Variants in SUGP1 observed in about 807,000 individuals in gnomAD.
The protein encoded by SUGP1 is SURP and G-patch domain-containing protein 1.
SUGP1 carries 34 observed loss-of-function variants against 76.5 expected under a neutral mutation model. That is an observed-to-expected ratio of 0.44 (90% CI 0.34 to 0.59). SUGP1 has a LOEUF of 0.59. SUGP1 is among the 20% of genes least tolerant of loss of function. The probability of loss-of-function intolerance (pLI) is 0.01; values close to 1 mark genes in which losing one functional copy is unlikely to be tolerated. For synonymous variants in SUGP1, 326 were observed against 326.2 expected (o/e 1.00, Z 0.01); for missense variants, 752 against 851.7 (o/e 0.88, Z 1.46).
At chr19:19,319,706 CAAAAAAAAAAA>C (rs570232030) in intron 1 of SUGP1, among the ~76,000 whole-genome samples, 6 of 69,310 alleles carry the variant, frequency 8.7e-5, no homozygotes, top group Non-Finnish European at 1.8e-4. Context: ...GACCCTGTCT[CAAAAAAAAAAA>C]AAAAAAAAAA....
At chr19:19,315,446 G>C (rs566838423) in intron 2 of SUGP1, among the ~76,000 whole-genome samples, 1 of 152,286 alleles carries the variant, frequency 6.6e-6, no homozygotes, top group Admixed American at 6.5e-5. Context: ...TCTCCAGCCT[G>C]AAAAGCTTGG....
At chr19:19,315,358 G>A (rs1265696321) in intron 2 of SUGP1, among the ~76,000 whole-genome samples, 1 of 151,794 alleles carries the variant, frequency 6.6e-6, no homozygotes, top group Non-Finnish European at 1.5e-5. Context: ...AGCTGGAGCT[G>A]GAACAAGGCC....
At chr19:19,315,829 GT>G (rs146674543) in intron 2 of SUGP1, among the ~76,000 whole-genome samples, 4 of 150,430 alleles carry the variant, frequency 2.7e-5, no homozygotes, top group East Asian at 2.0e-4. Flanking sequence ...AAGGGCAGAG[GT>G]TTTTTTTTGT....
At chr19:19,286,995 C>T (rs1188832275) in intron 8 of SUGP1, among the ~76,000 whole-genome samples, 1 of 151,910 alleles carries the variant, frequency 6.6e-6, no homozygotes, top group Non-Finnish European at 1.5e-5. Context: ...ACAAAATAGG[C>T]CGGGCAAAGT....
intron 1 of SUGP1, among the ~76,000 whole-genome samples, chr19:19,318,951 A>G (rs1369992226): frequency 6.6e-6 from 1 of 152,132 alleles, no homozygotes; most frequent in Non-Finnish European, 1.5e-5. Flanking sequence ...GGGCATGGTG[A>G]CTCACACCTG....
At chr19:19,309,911 C>CA (rs942765209) in intron 3 of SUGP1, among the ~76,000 whole-genome samples, 186 bp downstream of exon 3, 22 of 149,500 alleles carry the variant, frequency 1.5e-4, no homozygotes, top group Admixed American at 2.7e-4. Context: ...GACTCCGTCT[C>CA]AAAAAAAAAA....
chr19:19,289,575 T>C (rs2061166074), intron 8 of SUGP1, among the ~76,000 whole-genome samples: 2 of 151,978 alleles, frequency 1.3e-5, no homozygotes, highest in Admixed American at 6.6e-5. Flanking sequence ...TGGTGAAACC[T>C]CGTCTCTACT....
chr19:19,276,573 G>C lies in SUGP1; in HGVS notation c.*75C>G, dbSNP rs77883495. ...GGCACTCGTGACAACGGAAGGGGTG[G>C]GCAGAAATGCAGGCCGGAACATTCC... On this transcript the variant is annotated 3_prime_UTR_variant, in exon 14 of 14. Coordinates refer to ENST00000247001, the MANE Select transcript of SUGP1 (RefSeq NM_172231.4). The C allele has an allele frequency of 3.1e-4, 488 of 1,578,524 alleles. 1 individual carries two copies. In the African/African-American group the frequency reaches 5.8e-3, roughly 19 times the overall value.
At chr19:19,317,546 C>G (rs1265891486) in intron 1 of SUGP1, among the ~76,000 whole-genome samples, 1 of 152,122 alleles carries the variant, frequency 6.6e-6, no homozygotes, top group African/African-American at 2.4e-5. Flanking sequence ...GAGACAGGGT[C>G]TGGCTCTGTT....
intron 8 of SUGP1, among the ~76,000 whole-genome samples, chr19:19,294,876 T>G (rs1188682868): frequency 6.6e-6 from 1 of 151,902 alleles, no homozygotes; most frequent in African/African-American, 2.4e-5. Flanking sequence ...AAAGACGCTA[T>G]TACTAAAGTG....
chr19:19,285,012 C>T (rs1448626491), intron 8 of SUGP1, among the ~76,000 whole-genome samples: 1 of 149,544 alleles, frequency 6.7e-6, no homozygotes, highest in Non-Finnish European at 1.5e-5. Context: ...GGACTACAGG[C>T]GCCCGCCACC....
chr19:19,304,087 T>C lies in SUGP1; in HGVS notation c.539-240A>G, dbSNP rs563430339. The C allele has an allele frequency of 3.9e-5, 57 of 1,454,774 alleles. No homozygotes were observed. In the Admixed American group the frequency reaches 7.2e-4, roughly 18 times the overall value. 90.1% of individuals were successfully genotyped at this position (1,454,774 alleles called of 1,614,324 possible). A position where few individuals can be genotyped will look rare whatever the true frequency, so the allele number is the denominator to read the frequency against. On this transcript the variant is annotated intron_variant, in intron 4 of 13. Coordinates refer to ENST00000247001, the MANE Select transcript of SUGP1 (RefSeq NM_172231.4). ...TGTGAGGCTGTGGTGAGCTCCAGGCTGGAAGCTAGCAGAAAATATATCCAG... is the reference window on the plus strand; with the variant it reads ...TGTGAGGCTGTGGTGAGCTCCAGGCCGGAAGCTAGCAGAAAATATATCCAG...
intron 6 of SUGP1, 26 bp from the exon 7 acceptor site, chr19:19,302,414 C>A: frequency 6.2e-7 from 1 of 1,609,534 alleles, no homozygotes; most frequent in East Asian, 2.2e-5. Context: ...CAGTACTGGG[C>A]TCAACTCACC....
intron 3 of SUGP1, 52 bp downstream of exon 3, chr19:19,310,045 C>T: frequency 1.4e-6 from 2 of 1,475,250 alleles, no homozygotes; most frequent in Non-Finnish European, 1.9e-6. Flanking sequence ...TGCCCAGCAA[C>T]CCCAGGGGGA....
At chr19:19,277,105 A>G (rs1479775525) in intron 12 of SUGP1, 29 bp from the exon 13 acceptor site, 10 of 1,594,618 alleles carry the variant, frequency 6.3e-6, no homozygotes, top group Middle Eastern at 3.3e-4. Context: ...GTGAGCAGGG[A>G]CCTGGGGCCA....
chr19:19,308,187 T>G (rs1372261996), intron 3 of SUGP1, among the ~76,000 whole-genome samples: 1 of 152,052 alleles, frequency 6.6e-6, no homozygotes, highest in African/African-American at 2.4e-5. Flanking sequence ...TGCATCACCA[T>G]GCCTGGCTAA....
chr19:19,308,331 A>G (rs546675469), intron 3 of SUGP1, among the ~76,000 whole-genome samples: 3 of 152,206 alleles, frequency 2.0e-5, no homozygotes, highest in Non-Finnish European at 4.4e-5. Flanking sequence ...CACCGCACCC[A>G]GCCGACATCT....
rs762996479 is a variant in SUGP1 at position 19,303,460 on chromosome 19, G to A, written c.663-12C>T. On this transcript the variant is annotated splice_polypyrimidine_tract_variant and intron_variant, in intron 5 of 13. Transcript: ENST00000247001. ...TATCGTGCAAAAATCTGGAGAGGAG[G>A]AAGTTTGCAGAAGAGAGGGGAAAAT... 1.4e-5 allele frequency: 23 copies of A among 1,604,076 alleles called. No individual in the cohort carries two copies. The African/African-American group carries it at 3.1e-4, about 21-fold the overall frequency.
chr19:19,287,970 G>A (rs1217422575), intron 8 of SUGP1, among the ~76,000 whole-genome samples: 1 of 152,070 alleles, frequency 6.6e-6, no homozygotes, highest in African/African-American at 2.4e-5. Context: ...CTCCTTAGCT[G>A]TTCAACACGA....
Sources: allele counts gnomAD v4.1 joint callset (sites outside exome capture counted in the v4.1 genomes callset), GRCh38; gene constraint gnomAD v4.1.1; transcripts MANE v1.5; gene names NCBI Gene and HGNC (gene_info 2026-07-23, HGNC 2026-07-21).